The following RAB3IP variants were observed in gnomAD, a reference collection of about 807,000 sequenced individuals.
RAB3IP encodes rab-3A-interacting protein.
A neutral mutation model predicts 59.1 loss-of-function variants in RAB3IP; 36 were observed. The ratio of observed to expected loss-of-function variants is 0.61; its 90% CI spans 0.47 to 0.80. The LOEUF is 0.80. Ranked by LOEUF, RAB3IP falls within the 30% of genes least tolerant of loss-of-function variation. RAB3IP has a pLI of 0.00. For missense variants in RAB3IP, 511 were observed against 536.0 expected, an observed-to-expected ratio of 0.95 and a Z score of 0.46; for synonymous variants, 207 against 191.2, an observed-to-expected ratio of 1.08 and a Z score of -0.68.
chr12:69,755,700 T>C (rs1193302615), intron 2 of RAB3IP, 41 bp downstream of exon 2: 4 of 1,521,284 alleles, frequency 2.6e-6, no homozygotes, highest in Non-Finnish European at 3.6e-6. Flanking sequence ...TTTTTTAAAA[T>C]GGACAGTTTG....
chr12:69,801,062 A>G (rs756115161), intron 7 of RAB3IP, among the ~76,000 whole-genome samples: 2 of 152,214 alleles, frequency 1.3e-5, no homozygotes, highest in African/African-American at 2.4e-5. Flanking sequence ...GCCATTCAGT[A>G]TTAGTAACCT....
chr12:69,820,858 G>GAAAAAAAAAAAAAAAAAAAAAAA lies in RAB3IP; in HGVS notation c.*5429_*5430insAAAAAAAAAAAAAAAAAAAAAAA. ...GGGCAACAAGAGTGAAACTCCGTCT[G>GAAAAAAAAAAAAAAAAAAAAAAA]AAAAAAAAAAAAAAAAACCCAAACT... On this transcript the variant is annotated 3_prime_UTR_variant, in exon 11 of 11. Coordinates refer to ENST00000247833, the MANE Select transcript of RAB3IP (RefSeq NM_022456.5). 1 of 95,026 alleles carries GAAAAAAAAAAAAAAAAAAAAAAA rather than the reference G, an allele frequency of 1.1e-5. No individual in the cohort carries two copies. The highest frequency in any genetic ancestry group is 2.0e-5 in the Non-Finnish European group (1 of 51,270). The allele number at this position is 95,026 out of a possible 1,614,324, so 5.9% of individuals were successfully genotyped here.
intron 3 of RAB3IP, among the ~76,000 whole-genome samples, chr12:69,758,756 C>CTTTTTTTTTTT (rs71437121): frequency 2.1e-5 from 1 of 48,228 alleles, no homozygotes; most frequent in African/African-American, 7.8e-5. Context: ...GTGTTCATTC[C>CTTTTTTTTTTT]TTTTTTTTTT....
chr12:69,807,809 G>A (rs543794851), intron 8 of RAB3IP, among the ~76,000 whole-genome samples: 77 of 143,544 alleles, frequency 5.4e-4, no homozygotes, highest in African/African-American at 1.7e-3. Flanking sequence ...GCCAGGCAGA[G>A]GCGCTCCTCA....
At chr12:69,811,486 CAGCAGGCATATGTCTGTTTCCAGAAGAAT>C (rs1184782828) in intron 8 of RAB3IP, among the ~76,000 whole-genome samples, 2 of 152,112 alleles carry the variant, frequency 1.3e-5, no homozygotes. Flanking sequence ...AACAGTAGAC[CAGCAGGCATATGTCTGTTTCCAGAAGAAT>C]AGTGTATAAA....
Position 69,819,014 on chromosome 12 carries a change from T to C in RAB3IP, c.*3568T>C, listed in dbSNP as rs1054125634. 32 of 152,178 alleles carry C rather than the reference T, an allele frequency of 2.1e-4. No individual in the cohort carries two copies. The highest frequency in any genetic ancestry group is 7.7e-4 in the African/African-American group (32 of 41,416). 9.4% of individuals were successfully genotyped at this position (152,178 alleles called of 1,614,324 possible). ...CCTTGAGGCCAGTTCAAGGCTATAG[T>C]GTGCTATGATTTCACCTGTGAATAG... On this transcript the variant is annotated 3_prime_UTR_variant, in exon 11 of 11. Coordinates refer to ENST00000247833, the MANE Select transcript of RAB3IP (RefSeq NM_022456.5).
intron 3 of RAB3IP, among the ~76,000 whole-genome samples, chr12:69,782,253 C>G (rs933875040): frequency 2.6e-5 from 4 of 152,176 alleles, no homozygotes; most frequent in African/African-American, 9.6e-5. Flanking sequence ...CAATCTCCAC[C>G]TCCCGGGTTC....
chr12:69,781,485 A>G (rs1874694983), intron 3 of RAB3IP, among the ~76,000 whole-genome samples: 1 of 152,184 alleles, frequency 6.6e-6, no homozygotes, highest in Admixed American at 6.5e-5. Context: ...AGTATCTTAC[A>G]GAATAGTTTC....
chr12:69,794,442 T>A lies in RAB3IP; in HGVS notation c.612T>A (p.Ala204=), dbSNP rs1877130024. 1 of 1,610,488 alleles carries A rather than the reference T, an allele frequency of 6.2e-7. No individual in the cohort carries two copies. Among genetic ancestry groups the A allele is most frequent in the African/African-American group, 1.3e-5 (1 of 74,806 alleles). Residue 204 remains alanine (A), a synonymous_variant, in exon 5 of 11, where the codon GCT becomes GCA. Coordinates refer to ENST00000247833, the MANE Select transcript of RAB3IP (RefSeq NM_022456.5). ...EELTASLFEE[A]HKMVREANIK... is the part of the protein sequence containing the mutation. ...TGAGATGTTAACTTTTTCAGGAAGC[T>A]CATAAAATGGTGAGAGAAGCAAATA...
At chr12:69,746,540 C>T (rs1429049606) in intron 1 of RAB3IP, among the ~76,000 whole-genome samples, 2 of 152,192 alleles carry the variant, frequency 1.3e-5, no homozygotes, top group African/African-American at 4.8e-5. Flanking sequence ...AGGCTGTGTG[C>T]CATCTCTTTG....
intron 4 of RAB3IP, among the ~76,000 whole-genome samples, chr12:69,792,021 C>A (rs1056530183): frequency 6.6e-6 from 1 of 152,070 alleles, no homozygotes; most frequent in Admixed American, 6.5e-5. Flanking sequence ...CATGAGCGAA[C>A]CTGGAGGACA....
intron 3 of RAB3IP, among the ~76,000 whole-genome samples, chr12:69,758,309 T>C (rs759211535): frequency 2.6e-5 from 4 of 152,248 alleles, no homozygotes; most frequent in Non-Finnish European, 4.4e-5. Flanking sequence ...ACCATTTACA[T>C]TTAATGGATA....
chr12:69,811,725 A>G (rs961250271), intron 8 of RAB3IP, among the ~76,000 whole-genome samples: 5 of 152,220 alleles, frequency 3.3e-5, no homozygotes, highest in Non-Finnish European at 5.9e-5. Context: ...ATCTATTTGA[A>G]AAAAGACAGG....
chr12:69,752,033 T>C (rs1869407934), intron 1 of RAB3IP, among the ~76,000 whole-genome samples: 1 of 148,946 alleles, frequency 6.7e-6, no homozygotes, highest in Non-Finnish European at 1.5e-5. Flanking sequence ...GGATAGGGTC[T>C]CGTTCTTTCA....
At chr12:69,772,053 G>C (rs1416326841) in intron 3 of RAB3IP, among the ~76,000 whole-genome samples, 1 of 152,072 alleles carries the variant, frequency 6.6e-6, no homozygotes, top group Non-Finnish European at 1.5e-5. Flanking sequence ...TTTCCTTACT[G>C]TTATTGTATG....
At position 69,817,844 on chromosome 12, in the gene RAB3IP, T is replaced by C. The variant is rs1396636070; in HGVS notation, c.*2398T>C. The C allele has an allele frequency of 6.6e-6, 1 of 151,186 alleles. No homozygotes were observed. Among genetic ancestry groups the C allele is most frequent in the Non-Finnish European group, 1.5e-5 (1 of 67,856 alleles). The allele number at this position is 151,186 out of a possible 1,614,324, so 9.4% of individuals were successfully genotyped here. ...TATCTGCAACATTTATAACTAGTAA[T>C]AGCTTAGTATCAAGAATGTATGCAG... On this transcript the variant is annotated 3_prime_UTR_variant, in exon 11 of 11. Coordinates refer to ENST00000247833, the MANE Select transcript of RAB3IP (RefSeq NM_022456.5).
At chr12:69,743,263 G>A (rs2136095477) in intron 1 of RAB3IP, among the ~76,000 whole-genome samples, 1 of 152,196 alleles carries the variant, frequency 6.6e-6, no homozygotes, top group Middle Eastern at 3.4e-3. Context: ...TGTCAGATAA[G>A]GATAAAGTAT....
intron 3 of RAB3IP, among the ~76,000 whole-genome samples, chr12:69,767,298 A>G (rs148439774): frequency 1.7e-3 from 260 of 152,288 alleles, no homozygotes; most frequent in African/African-American, 6.2e-3. Context: ...CATTTGACCT[A>G]CAAGTCAGTA....
chr12:69,784,979 A>G (rs1006917632), intron 4 of RAB3IP, 164 bp downstream of exon 4: 1 of 383,298 alleles, frequency 2.6e-6, no homozygotes, highest in Non-Finnish European at 4.7e-6. Flanking sequence ...TTACAACTTA[A>G]GATGATGTGA....
Sources: allele counts gnomAD v4.1 joint callset (sites outside exome capture counted in the v4.1 genomes callset), GRCh38; gene constraint gnomAD v4.1.1; transcripts MANE v1.5; gene names NCBI Gene and HGNC (gene_info 2026-07-23, HGNC 2026-07-21).